NPAT: variants seen among roughly 807,000 people sequenced by gnomAD.
NPAT encodes protein NPAT.
In NPAT, 52 loss-of-function variants were observed where a neutral mutation model predicts 130.7. That is an observed-to-expected ratio of 0.40 (90% CI 0.32 to 0.50). The LOEUF (loss-of-function observed/expected upper bound fraction) is 0.50. NPAT is among the 20% of genes least tolerant of loss of function. The pLI is 0.68. For synonymous variants in NPAT, 580 were observed against 584.8 expected (o/e 0.99, Z 0.12); for missense variants, 1,687 against 1,662.6 (o/e 1.01, Z -0.26).
At chr11:108,186,018 G>A (rs1364857023) in intron 8 of NPAT, among the ~76,000 whole-genome samples, 1 of 151,734 alleles carries the variant, frequency 6.6e-6, no homozygotes, top group Non-Finnish European at 1.5e-5. Flanking sequence ...ACTACTCGCC[G>A]GCCAGTTTTT....
Position 108,172,459 on chromosome 11 carries a change from C to G in NPAT, c.2525G>C (p.Cys842Ser). 1 of 1,614,160 alleles carries G rather than the reference C, an allele frequency of 6.2e-7. No individual in the cohort carries two copies. Among genetic ancestry groups the G allele is most frequent in the Non-Finnish European group, 8.5e-7 (1 of 1,179,984 alleles). The change falls in exon 13 of 18, where the codon TGT becomes TCT. Residue 842 changes from cysteine to serine, a missense_variant. Transcript: ENST00000278612. ...TATATATCCTCCATCCTTGGAAACA[C>G]ATGGTGTAACATTAGCTGAAAAAGC... ...GIAFSANVTPCVSKDGGYIQL... is the reference protein window; with the variant it reads ...GIAFSANVTPSVSKDGGYIQL...
chr11:108,189,759 A>G (rs1164111937), intron 5 of NPAT, among the ~76,000 whole-genome samples: 2 of 150,740 alleles, frequency 1.3e-5, no homozygotes, highest in African/African-American at 4.9e-5. Flanking sequence ...AGTCCCAGCT[A>G]CTCGGGAGGC....
chr11:108,177,959 G>A (rs2078024653), intron 10 of NPAT, among the ~76,000 whole-genome samples: 1 of 152,072 alleles, frequency 6.6e-6, no homozygotes, highest in South Asian at 2.1e-4. Flanking sequence ...GGGCTCATGC[G>A]ATCCGCCCAC....
intron 10 of NPAT, among the ~76,000 whole-genome samples, chr11:108,181,387 C>A (rs1256432291): frequency 6.6e-6 from 1 of 152,080 alleles, no homozygotes; most frequent in African/African-American, 2.4e-5. Flanking sequence ...ATCGCTTGAA[C>A]CTGGGAGGCA....
chr11:108,176,957 C>T lies in NPAT; in HGVS notation c.1003+37G>A, dbSNP rs2078012544. 3.7e-6 allele frequency: 5 copies of T among 1,341,852 alleles called. No individual in the cohort carries two copies. In the Admixed American group the frequency reaches 6.7e-5, roughly 18 times the overall value. 83.1% of individuals were successfully genotyped at this position (1,341,852 alleles called of 1,614,324 possible). On this transcript the variant is annotated intron_variant, in intron 11 of 17. Transcript: ENST00000278612. Reference sequence around the variant, plus strand: ...TAAGTTACCAAAGAAATTGTAGAAGCCTTTTTTTTCTGTCTTGAAATAAAT... The same window carrying T: ...TAAGTTACCAAAGAAATTGTAGAAGTCTTTTTTTTCTGTCTTGAAATAAAT...
At chr11:108,167,149 T>C (rs2077909026) in intron 15 of NPAT, among the ~76,000 whole-genome samples, 1 of 152,198 alleles carries the variant, frequency 6.6e-6, no homozygotes, top group South Asian at 2.1e-4. Context: ...CCCTGTGGCT[T>C]TATTGTGTAA....
intron 10 of NPAT, among the ~76,000 whole-genome samples, chr11:108,180,034 T>C (rs958658726): frequency 7.9e-5 from 12 of 152,110 alleles, no homozygotes; most frequent in Non-Finnish European, 1.2e-4. Context: ...CAAGAATATA[T>C]AAAGAATTCC....
In NPAT at chr11:108,160,959, T is replaced by C; in HGVS notation, c.4127A>G (p.Asp1376Gly). The change falls in exon 17 of 18, where the codon GAT becomes GGT. Residue 1376 changes from aspartate (D) to glycine (G), a missense_variant. Asp to Gly is a moderately conservative substitution (Grantham distance 94). Transcript: ENST00000278612. Reference sequence around the variant, plus strand: ...AGGACGAGAGTTTCGCTCACGTTCATCTAATTCCTCAATTTTCCGCTTTTT... The same window carrying C: ...AGGACGAGAGTTTCGCTCACGTTCACCTAATTCCTCAATTTTCCGCTTTTT... Reference protein sequence around the residue: ...TTKKRKIEELDERERNSRPSS... With the variant: ...TTKKRKIEELGERERNSRPSS... The C allele has an allele frequency of 6.2e-7, 1 of 1,614,182 alleles. No individual in the cohort carries two copies. Among genetic ancestry groups the C allele is most frequent in the Non-Finnish European group, 8.5e-7 (1 of 1,179,998 alleles).
rs751763443 is a variant in NPAT, at chr11:108,185,474, T to A, written c.747A>T (p.Ala249=). Residue 249 remains alanine (A), a synonymous_variant, in exon 9 of 18, where the codon GCA becomes GCT. Transcript: ENST00000278612. ...ATTTGTTGCTTAGTATTTTTTCTCGTGCATTTTCAATAACCATTTGCTGGA... is the reference window on the plus strand; with the variant it reads ...ATTTGTTGCTTAGTATTTTTTCTCGAGCATTTTCAATAACCATTTGCTGGA... ...AVEKQMVIEN[A]REKILSNKSL... 1.2e-6 allele frequency: 2 copies of A among 1,610,800 alleles called. No individual in the cohort carries two copies. Among genetic ancestry groups the A allele is most frequent in the Non-Finnish European group, 1.7e-6 (2 of 1,177,744 alleles).
intron 1 of NPAT, among the ~76,000 whole-genome samples, chr11:108,205,336 C>T (rs1208998665): frequency 1.4e-4 from 21 of 152,354 alleles, no homozygotes; most frequent in Non-Finnish European, 1.5e-5. Flanking sequence ...TTATAGCTCA[C>T]TGTAGCTTTG....
At chr11:108,195,291 T>C in intron 2 of NPAT, among the ~76,000 whole-genome samples, 1 of 152,238 alleles carries the variant, frequency 6.6e-6, no homozygotes, top group East Asian at 1.9e-4. Context: ...AGCCACTGTA[T>C]GACTTTTAAT....
chr11:108,185,524 G>A (rs1198039811), intron 8 of NPAT, 30 bp from the exon 9 acceptor site: 5 of 1,343,760 alleles, frequency 3.7e-6, no homozygotes, highest in Non-Finnish European at 5.3e-6. Flanking sequence ...TTAGCAAAAG[G>A]ACAATAAAGA....
Position 108,183,105 on chromosome 11 carries a change from C to T in NPAT, c.906+2127G>A, listed in dbSNP as rs553125492. Among the ~76,000 whole-genome samples the T allele has an allele frequency of 9.3e-4, 142 of 152,020 alleles. 1 individual carries two copies. Among genetic ancestry groups the T allele is most frequent in the African/African-American group, 2.6e-3 (109 of 41,452 alleles). On this transcript the variant is annotated intron_variant, in intron 10 of 17. Transcript: ENST00000278612. ...AAGTGATCCTCCCATTTCAGCCTCC[C>T]GAGTAGTTGGGACAACAGGTACATG...
chr11:108,159,088 A>G (rs2077822110), intron 17 of NPAT, 69 bp from the exon 18 acceptor site: 1 of 957,040 alleles, frequency 1.0e-6, no homozygotes, highest in Non-Finnish European at 1.6e-6. Context: ...AAGTCACCTA[A>G]AACAGTATAT....
At chr11:108,188,818 C>T (rs891931238) in intron 6 of NPAT, among the ~76,000 whole-genome samples, 2 of 152,136 alleles carry the variant, frequency 1.3e-5, no homozygotes, top group African/African-American at 4.8e-5. Flanking sequence ...AATGTACATT[C>T]CATTTAAAAT....
In NPAT at chr11:108,172,778, T is replaced by A; in HGVS notation, c.2206A>T (p.Asn736Tyr). The change falls in exon 13 of 18, where the codon AAT (asparagine) becomes TAT (tyrosine). Residue 736 changes from asparagine to tyrosine, a missense_variant. Transcript: ENST00000278612. ...SNNSAEIDAS[N>Y]IVSLKVIISD... ...ATGATAACTTTGAGAGAGACGATAT[T>A]TGATGCATCTATCTCTGCTGAGTTG... The A allele has an allele frequency of 2.5e-6, 4 of 1,613,722 alleles. No individual in the cohort carries two copies. Among genetic ancestry groups the A allele is most frequent in the Non-Finnish European group, 3.4e-6 (4 of 1,179,980 alleles).
intron 1 of NPAT, among the ~76,000 whole-genome samples, chr11:108,205,703 G>T (rs1172835898): frequency 6.6e-6 from 1 of 152,154 alleles, no homozygotes; most frequent in South Asian, 2.1e-4. Flanking sequence ...ACTCCTTCAG[G>T]CTAAAATGAG....
rs1053430250 is a variant in NPAT, at chr11:108,197,345, G to T, written c.113C>A (p.Ala38Glu). 7.4e-6 allele frequency: 12 copies of T among 1,612,746 alleles called. No homozygotes were observed. Among genetic ancestry groups the T allele is most frequent in the Non-Finnish European group, 1.0e-5 (12 of 1,179,022 alleles). The change falls in exon 2 of 18, where the codon GCA becomes GAA. Residue 38 changes from alanine to glutamate, a missense_variant. Transcript: ENST00000278612. ...AAACCCTTCATCTGTACAATGTTCT[G>T]CATATTCTTTTAAATCTGAACTTTC... ...ILESSDLKEY[A>E]EHCTDEGFIP...
intron 7 of NPAT, among the ~76,000 whole-genome samples, chr11:108,187,787 A>C (rs1309307070): frequency 6.6e-6 from 1 of 152,048 alleles, no homozygotes; most frequent in African/African-American, 2.4e-5. Flanking sequence ...TATTATTTAC[A>C]TTCAGTTAAA....
Sources: gnomAD v4.1 joint callset for allele counts (sites outside exome capture counted in the v4.1 genomes callset) on GRCh38, gnomAD v4.1.1 for gene constraint, MANE v1.5 for transcripts, NCBI Gene and HGNC (gene_info 2026-07-23, HGNC 2026-07-21) for gene names.